Variants in MYO7B observed in about 807,000 individuals in gnomAD.
MYO7B encodes the protein unconventional myosin-VIIb.
MYO7B carries 212 observed loss-of-function variants against 259.7 expected under a neutral mutation model. The observed-to-expected ratio is 0.82, with a 90% CI of 0.73 to 0.91. The LOEUF (loss-of-function observed/expected upper bound fraction) is 0.91, where lower values mean the gene tolerates loss of function less well. Among genes scored for constraint, MYO7B ranks in the 40% least tolerant of loss-of-function variants. The pLI is 0.00. For missense variants in MYO7B, 2,732 were observed against 2,813.5 expected (o/e 0.97, Z 0.66); for synonymous variants, 1,197 against 1,166.4 (o/e 1.03, Z -0.54).
intron 9 of MYO7B, among the ~76,000 whole-genome samples, chr2:127,580,058 T>C (rs771360285): frequency 6.6e-6 from 1 of 152,226 alleles, no homozygotes; most frequent in Non-Finnish European, 1.5e-5. Flanking sequence ...ATCCTAGATT[T>C]GGCTTTAGCG....
In MYO7B at chr2:127,607,421, C is replaced by T; in HGVS notation, c.2640C>T (p.Ala880=). The change falls in exon 21 of 48, where the codon GCC becomes GCT. Residue 880 remains alanine (A), a synonymous_variant. Coordinates refer to ENST00000409816, the MANE Select transcript of MYO7B (RefSeq NM_001393586.1). This position sits in a 1 kb window ranked among gnomAD's most constrained non-coding sequence, Gnocchi z 4.4. ...GGCGCAACTTCCAGCAAAGGAAGGC[C>T]AATGTAGGTGGTCACCTGGCCTCTT... The part of the protein sequence containing the change: ...AARRNFQQRK[A]NAPLVIPAEG... The T allele has an allele frequency of 6.4e-7, 1 of 1,550,794 alleles. No individual in the cohort carries two copies. Among genetic ancestry groups the T allele is most frequent in the Non-Finnish European group, 8.7e-7 (1 of 1,146,756 alleles).
chr2:127,609,471 C>G lies in MYO7B; in HGVS notation c.2815-35C>G. 6.3e-7 allele frequency: 1 copy of G among 1,576,358 alleles called. No homozygotes were observed. The highest frequency in any genetic ancestry group is 8.6e-7 in the Non-Finnish European group (1 of 1,158,816). On this transcript the variant is annotated intron_variant, in intron 22 of 47. Transcript: ENST00000409816. This position sits in a 1 kb window ranked among gnomAD's most constrained non-coding sequence, Gnocchi z 6.9. Reference sequence around the variant, plus strand: ...TGATGGGTTGGTTGTTACCTGAAAGCCCTGCTGACCCGTGTTCTCCCTCAA... The same window carrying G: ...TGATGGGTTGGTTGTTACCTGAAAGGCCTGCTGACCCGTGTTCTCCCTCAA...
rs529910121 is a variant in MYO7B at position 127,616,682 on chromosome 2, C to A, written c.3399-3658C>A. Reference sequence around the variant, plus strand: ...ACGCACTCCGACTGGGAGATCCAATCCTGCATTTCCAGGCATTCCTGGAGA... The same window carrying A: ...ACGCACTCCGACTGGGAGATCCAATACTGCATTTCCAGGCATTCCTGGAGA... On this transcript the variant is annotated intron_variant, in intron 26 of 47. Transcript: ENST00000409816. Among the ~76,000 whole-genome samples the A allele has an allele frequency of 5.3e-5, 8 of 152,350 alleles. No individual in the cohort carries two copies. In the East Asian group the frequency reaches 1.5e-3, roughly 29 times the overall value.
chr2:127,544,952 C>T (rs1312760243), intron 1 of MYO7B, among the ~76,000 whole-genome samples: 2 of 152,010 alleles, frequency 1.3e-5, no homozygotes, highest in Non-Finnish European at 2.9e-5. Context: ...GTCTCGATCT[C>T]CTGACCTCAT....
rs1351384594 is a variant in MYO7B, at chr2:127,607,091, G to T, written c.2425-115G>T. 5.8e-6 allele frequency: 6 copies of T among 1,028,546 alleles called. No individual in the cohort carries two copies. The highest frequency in any genetic ancestry group is 7.0e-6 in the Non-Finnish European group (5 of 712,622). The allele number at this position is 1,028,546 out of a possible 1,614,324, so 63.7% of individuals were successfully genotyped here. On this transcript the variant is annotated intron_variant, in intron 20 of 47. Coordinates refer to ENST00000409816, the MANE Select transcript of MYO7B (RefSeq NM_001393586.1). The surrounding 1 kb of genome is among the most constrained non-coding windows in gnomAD (Gnocchi z 4.4). ...TGTACCATTCTAGCACCGGCCCTTT[G>T]CCAAAACAAAACTAACTGTAAATCT... is the stretch of plus-strand genomic sequence containing the variant.
At chr2:127,634,087 G>C in intron 40 of MYO7B, 89 bp from the exon 41 acceptor site, 1 of 1,047,234 alleles carries the variant, frequency 9.5e-7, no homozygotes, top group Non-Finnish European at 1.4e-6. Context: ...TTTCATGAAG[G>C]AGCAAAAGTG....
rs1035589644 is a variant in MYO7B at position 127,576,330 on chromosome 2, A to G, written c.736-265A>G. 2.0e-5 allele frequency among the ~76,000 whole-genome samples: 3 copies of G among 151,998 alleles called. No individual in the cohort carries two copies. The highest frequency in any genetic ancestry group is 4.4e-5 in the Non-Finnish European group (3 of 67,982). ...CTGTGCCATCACTCCTGGCCTGGAGACTTTGGGCACAGCAGTGTCAGGGCT... is the reference window on the plus strand; with the variant it reads ...CTGTGCCATCACTCCTGGCCTGGAGGCTTTGGGCACAGCAGTGTCAGGGCT... On this transcript the variant is annotated intron_variant, in intron 7 of 47. Coordinates refer to ENST00000409816, the MANE Select transcript of MYO7B (RefSeq NM_001393586.1). The surrounding 1 kb of genome is among the most constrained non-coding windows in gnomAD (Gnocchi z 4.9).
At chr2:127,544,945 T>C (rs1693162507) in intron 1 of MYO7B, among the ~76,000 whole-genome samples, 2 of 152,068 alleles carry the variant, frequency 1.3e-5, no homozygotes, top group Admixed American at 6.5e-5. Context: ...CAGGATGGTC[T>C]CGATCTCCTG....
At chr2:127,634,135 C>T in intron 40 of MYO7B, 41 bp from the exon 41 acceptor site, 1 of 1,506,008 alleles carries the variant, frequency 6.6e-7, no homozygotes, top group Non-Finnish European at 9.0e-7. Flanking sequence ...GTACTGGCCC[C>T]TAGCCAGGCC....
intron 1 of MYO7B, among the ~76,000 whole-genome samples, chr2:127,555,850 G>A (rs750390758): frequency 7.2e-5 from 11 of 152,192 alleles, no homozygotes; most frequent in Non-Finnish European, 1.3e-4. Context: ...TCCATGCACT[G>A]AGGAATAGAA....
Position 127,628,332 on chromosome 2 carries a change from G to A in MYO7B, c.4461-40G>A, listed in dbSNP as rs950774927. Reference sequence around the variant, plus strand: ...CTGTTTAGGGGCTGGATCAGGGGAAGGTGGAGGGGGCTCCTGGTCACGCTG... The same window carrying A: ...CTGTTTAGGGGCTGGATCAGGGGAAAGTGGAGGGGGCTCCTGGTCACGCTG... On this transcript the variant is annotated intron_variant, in intron 33 of 47. Coordinates refer to ENST00000409816, the MANE Select transcript of MYO7B (RefSeq NM_001393586.1). This position sits in a 1 kb window ranked among gnomAD's most constrained non-coding sequence, Gnocchi z 4.8. The A allele has an allele frequency of 1.9e-6, 3 of 1,569,716 alleles. No individual in the cohort carries two copies. Among genetic ancestry groups the A allele is most frequent in the Admixed American group, 1.9e-5 (1 of 53,924 alleles).
intron 1 of MYO7B, among the ~76,000 whole-genome samples, chr2:127,547,564 G>A (rs771229801): frequency 2.0e-5 from 3 of 152,210 alleles, no homozygotes; most frequent in Admixed American, 1.3e-4. Context: ...TGATGCTGAA[G>A]ATCCTTGAGT....
chr2:127,546,178 C>T lies in MYO7B; in HGVS notation c.-24+10347C>T, dbSNP rs1314525919. 6.6e-6 allele frequency among the ~76,000 whole-genome samples: 1 copy of T among 152,256 alleles called. No homozygotes were observed. Among genetic ancestry groups the T allele is most frequent in the Non-Finnish European group, 1.5e-5 (1 of 68,048 alleles). On this transcript the variant is annotated intron_variant, in intron 1 of 47. Coordinates refer to ENST00000409816, the MANE Select transcript of MYO7B (RefSeq NM_001393586.1). This position sits in a 1 kb window ranked among gnomAD's most constrained non-coding sequence, Gnocchi z 4.2. ...ACTCAGACCCCTTTGGAGGGCAAAG[C>T]TTTGTCAGTGCCCCTTCCGGGCTGG...
chr2:127,621,811 A>C (rs1680851679), intron 27 of MYO7B, among the ~76,000 whole-genome samples, 171 bp from the exon 28 acceptor site: 2 of 152,270 alleles, frequency 1.3e-5, no homozygotes, highest in Non-Finnish European at 2.9e-5. Flanking sequence ...ACGTGTTGCC[A>C]AACTGCTCCT....
At chr2:127,602,942 G>A (rs1423562828) in intron 19 of MYO7B, among the ~76,000 whole-genome samples, 1 of 151,142 alleles carries the variant, frequency 6.6e-6, no homozygotes, top group Non-Finnish European at 1.5e-5. Context: ...GAAGGTTACA[G>A]TAAGCCGAGA....
chr2:127,610,685 C>T (rs1680350677), intron 24 of MYO7B, among the ~76,000 whole-genome samples: 1 of 152,252 alleles, frequency 6.6e-6, no homozygotes, highest in Non-Finnish European at 1.5e-5. Flanking sequence ...CAGTGGCCCG[C>T]CAGTGGCAGG....
At position 127,571,444 on chromosome 2, in the gene MYO7B, T is replaced by TTTTTTTTTGTTTTTTTTTG. The variant is rs1395114823; in HGVS notation, c.592+1542_592+1543insGTTTTTTTTTGTTTTTTTT. Among the ~76,000 whole-genome samples the TTTTTTTTTGTTTTTTTTTG allele has an allele frequency of 7.5e-5, 10 of 133,966 alleles. No homozygotes were observed. The South Asian group carries it at 9.3e-4, about 12-fold the overall frequency. The allele number at this position is 133,966 out of a possible 152,430, so 87.9% of individuals were successfully genotyped here. A position where few individuals can be genotyped will look rare whatever the true frequency, so the allele number is the denominator to read the frequency against. ...TTGGTCTATTTCCTTACCAGTGAGT[T>TTTTTTTTTGTTTTTTTTTG]TTTTTTTTTTTTTTTGCTTGTTTGT... is the stretch of plus-strand genomic sequence containing the variant. On this transcript the variant is annotated intron_variant, in intron 6 of 47. Transcript: ENST00000409816.
chr2:127,636,847 C>T lies in MYO7B; in HGVS notation c.6261C>T (p.Ser2087=). ...FTKISSWSSG[S]TYFHMALGSL... ...AGATCTCCAGCTGGAGCAGCGGCAGCACCTACTTCCACATGGCGCTGGGGA... is the reference window on the plus strand; with the variant it reads ...AGATCTCCAGCTGGAGCAGCGGCAGTACCTACTTCCACATGGCGCTGGGGA... The change falls in exon 47 of 48, where the codon AGC becomes AGT. Residue 2087 remains serine (S), a synonymous_variant. Transcript: ENST00000409816. The surrounding 1 kb of genome is among the most constrained non-coding windows in gnomAD (Gnocchi z 4.5). 1.2e-6 allele frequency: 2 copies of T among 1,613,674 alleles called. No homozygotes were observed. The highest frequency in any genetic ancestry group is 1.1e-5 in the South Asian group (1 of 91,084).
Position 127,630,810 on chromosome 2 carries a change from G to T in MYO7B, c.4839G>T (p.Lys1613Asn), listed in dbSNP as rs1681441695. 3 of 1,613,120 alleles carry T rather than the reference G, an allele frequency of 1.9e-6. No individual in the cohort carries two copies. Among genetic ancestry groups the T allele is most frequent in the Non-Finnish European group, 2.5e-6 (3 of 1,179,808 alleles). ...SLLAMSPEKR[K>N]LAAQEGQFTE... is the part of the protein sequence containing the mutation. ...TTGCCATGTCACCAGAGAAGAGGAA[G>T]CTGGCGGCTCAGGAGGGGCAGTTCA... Residue 1613 changes from lysine (K) to asparagine (N), a missense_variant, in exon 36 of 48, where the codon AAG (lysine) becomes AAT (asparagine). Lys to Asn is a moderately conservative substitution (Grantham distance 94). This residue lies in a region of MYO7B where 821 missense variants were observed against 769.3 expected (regional missense o/e 1.07). Transcript: ENST00000409816.
Sources: allele counts gnomAD v4.1 joint callset (sites outside exome capture counted in the v4.1 genomes callset), GRCh38; gene constraint gnomAD v4.1.1; regional missense constraint gnomAD v4.1.1; non-coding constraint Gnocchi (gnomAD v3.1); transcripts MANE v1.5; gene names NCBI Gene and HGNC (gene_info 2026-07-23, HGNC 2026-07-21).